Variants in PITPNM2 observed in about 807,000 individuals in gnomAD.
PITPNM2 encodes the protein phosphatidylinositol transfer protein membrane associated 2, also known as membrane-associated phosphatidylinositol transfer protein 2.
PITPNM2 carries 35 observed loss-of-function variants against 132.2 expected under a neutral mutation model. The observed-to-expected ratio is 0.26, with a 90% CI of 0.20 to 0.35. The LOEUF is 0.35. Ranked by LOEUF, PITPNM2 falls within the 10% of genes least tolerant of loss-of-function variation. The probability of loss-of-function intolerance (pLI) is 1.00; values close to 1 mark genes in which losing one functional copy is unlikely to be tolerated. For missense variants in PITPNM2, 1,332 were observed against 1,912.0 expected (o/e 0.70, Z 5.66); for synonymous variants, 738 against 799.2 (o/e 0.92, Z 1.29).
chr12:123,121,835 A>G (rs1473936446), intron 1 of PITPNM2, among the ~76,000 whole-genome samples: 1 of 151,856 alleles, frequency 6.6e-6, no homozygotes, highest in African/African-American at 2.4e-5. Flanking sequence ...TTGGACTACC[A>G]TGCCCAGCCC....
chr12:122,997,634 C>A, intron 10 of PITPNM2, 62 bp from the exon 11 acceptor site: 1 of 1,571,340 alleles, frequency 6.4e-7, no homozygotes, highest in Non-Finnish European at 8.7e-7. Flanking sequence ...TGAGGCCCCT[C>A]TGTCACCCTT....
At chr12:123,017,953 ATT>A (rs1351346587) in intron 3 of PITPNM2, among the ~76,000 whole-genome samples, 1 of 122,680 alleles carries the variant, frequency 8.2e-6, no homozygotes, top group Admixed American at 8.4e-5. Flanking sequence ...CCTTTCCTTC[ATT>A]TTCTTTTCTT....
chr12:123,107,695 G>A (rs907181922), intron 2 of PITPNM2, among the ~76,000 whole-genome samples: 5 of 152,224 alleles, frequency 3.3e-5, no homozygotes, highest in Non-Finnish European at 7.3e-5. Context: ...CAAGCAGGGT[G>A]CAGAGGCATG....
intron 2 of PITPNM2, among the ~76,000 whole-genome samples, chr12:123,069,599 C>T (rs1417576092): frequency 2.0e-5 from 3 of 152,128 alleles, no homozygotes; most frequent in Non-Finnish European, 4.4e-5. Context: ...CTTCCAGGCC[C>T]CCTGGAAGCC....
At chr12:123,103,896 T>TTTTA (rs113942958) in intron 2 of PITPNM2, among the ~76,000 whole-genome samples, 5,600 of 149,888 alleles carry the variant, frequency 0.037, 316 homozygotes, top group African/African-American at 0.12. Flanking sequence ...TATTTTGTTA[T>TTTTA]TTTATTTATT....
At chr12:123,028,514 G>GA (rs1298040341) in intron 3 of PITPNM2, among the ~76,000 whole-genome samples, 1 of 152,222 alleles carries the variant, frequency 6.6e-6, no homozygotes, top group Non-Finnish European at 1.5e-5. Flanking sequence ...AGCCTGTGCT[G>GA]AAACGTATGT....
intron 2 of PITPNM2, among the ~76,000 whole-genome samples, chr12:123,068,194 A>ACGGCCGGGCGCGGCCGGGCG: frequency 6.6e-6 from 1 of 151,750 alleles, no homozygotes; most frequent in East Asian, 1.9e-4. Context: ...ACGGCCGGGC[A>ACGGCCGGGCGCGGCCGGGCG]CGGTGGCTCA....
At chr12:123,044,003 G>T (rs750298060) in intron 2 of PITPNM2, among the ~76,000 whole-genome samples, 6 of 152,186 alleles carry the variant, frequency 3.9e-5, no homozygotes, top group Non-Finnish European at 8.8e-5. Flanking sequence ...GACCCTGCTG[G>T]TCACAGAGCT....
Position 122,992,702 on chromosome 12 carries a change from G to T in PITPNM2, c.2234-33C>A, listed in dbSNP as rs1212930884. ...TGGGGGTGTTGGCTGCAGAGCTGGG[G>T]CTGGCCCTGAGGAGCAGTGGTGGGG... is the stretch of plus-strand genomic sequence containing the variant. On this transcript the variant is annotated intron_variant, in intron 15 of 25. Coordinates refer to ENST00000320201, the MANE Select transcript of PITPNM2 (RefSeq NM_020845.3). The surrounding 1 kb of genome is among the most constrained non-coding windows in gnomAD (Gnocchi z 6.5). 1.4e-5 allele frequency: 22 copies of T among 1,521,242 alleles called. No individual in the cohort carries two copies. Among genetic ancestry groups the T allele is most frequent in the Non-Finnish European group, 1.9e-5 (21 of 1,132,468 alleles). The allele number at this position is 1,521,242 out of a possible 1,614,324, so 94.2% of individuals were successfully genotyped here.
intron 1 of PITPNM2, among the ~76,000 whole-genome samples, chr12:123,130,287 A>C (rs1470011328): frequency 6.6e-6 from 1 of 152,096 alleles, no homozygotes; most frequent in African/African-American, 2.4e-5. Context: ...TGTGGGACGG[A>C]AGGGCACACT....
chr12:122,991,014 C>T (rs533935585), intron 16 of PITPNM2, among the ~76,000 whole-genome samples: 42 of 152,344 alleles, frequency 2.8e-4, no homozygotes, highest in African/African-American at 7.2e-4. Flanking sequence ...TCCAGCACCC[C>T]AGTGGCTCCA....
chr12:123,138,274 C>A (rs2043425961), intron 1 of PITPNM2, among the ~76,000 whole-genome samples: 1 of 151,868 alleles, frequency 6.6e-6, no homozygotes, highest in Admixed American at 6.6e-5. Context: ...TGGCAAAACC[C>A]CATCTCTGCA....
chr12:123,037,451 G>GCT (rs1329464797), intron 2 of PITPNM2, among the ~76,000 whole-genome samples: 4 of 152,230 alleles, frequency 2.6e-5, no homozygotes, highest in Non-Finnish European at 5.9e-5. Flanking sequence ...CAGTACACCT[G>GCT]TGTGACGTGC....
At position 123,000,178 on chromosome 12, in the gene PITPNM2, G is replaced by A; in HGVS notation, c.1224+600C>T. 3.5e-6 allele frequency: 2 copies of A among 571,864 alleles called. No individual in the cohort carries two copies. The highest frequency in any genetic ancestry group is 4.5e-5 in the South Asian group (2 of 44,060). 35.4% of individuals were successfully genotyped at this position (571,864 alleles called of 1,614,324 possible). A position where few individuals can be genotyped will look rare whatever the true frequency, so the allele number is the denominator to read the frequency against. Reference sequence around the variant, plus strand: ...AGGCCAGAGCAGTGCGGTGACCGCAGGTGATGGTGGGACAGCCCAGCTCAG... The same window carrying A: ...AGGCCAGAGCAGTGCGGTGACCGCAAGTGATGGTGGGACAGCCCAGCTCAG... On this transcript the variant is annotated intron_variant, in intron 10 of 25. Coordinates refer to ENST00000320201, the MANE Select transcript of PITPNM2 (RefSeq NM_020845.3). This position sits in a 1 kb window ranked among gnomAD's most constrained non-coding sequence, Gnocchi z 5.4.
chr12:123,127,416 C>T (rs1199587955), intron 1 of PITPNM2, among the ~76,000 whole-genome samples: 1 of 152,160 alleles, frequency 6.6e-6, no homozygotes, highest in East Asian at 1.9e-4. Flanking sequence ...CCATCAAATT[C>T]AACAATGGTT....
chr12:123,004,000 T>A (rs2038807271), intron 8 of PITPNM2, among the ~76,000 whole-genome samples: 1 of 152,202 alleles, frequency 6.6e-6, no homozygotes, highest in African/African-American at 2.4e-5. Flanking sequence ...ATTAATTTAA[T>A]CAAGAAGAAA....
chr12:123,100,281 C>A (rs2042529265), intron 2 of PITPNM2, among the ~76,000 whole-genome samples: 1 of 152,190 alleles, frequency 6.6e-6, no homozygotes, highest in South Asian at 2.1e-4. Context: ...TATGACCCAG[C>A]AATTCCACTT....
chr12:123,144,958 T>C (rs2043582089), intron 1 of PITPNM2, among the ~76,000 whole-genome samples: 1 of 152,214 alleles, frequency 6.6e-6, no homozygotes, highest in Admixed American at 6.5e-5. Context: ...AACCCTGTGT[T>C]TTCCCTAGGA....
At position 123,058,799 on chromosome 12, in the gene PITPNM2, C is replaced by T. The variant is rs918434139; in HGVS notation, c.-95-24114G>A. The stretch of plus-strand genomic sequence containing the variant: ...CTTTTGTGGAAAAAGCCCTTTCCCA[C>T]GGGGTCCACCTGGAAAATTCTCGAA... On this transcript the variant is annotated intron_variant, in intron 2 of 25. Transcript: ENST00000320201. The surrounding 1 kb of genome is among the most constrained non-coding windows in gnomAD (Gnocchi z 4.0). Among the ~76,000 whole-genome samples the T allele has an allele frequency of 5.3e-5, 8 of 152,188 alleles. No homozygotes were observed. The highest frequency in any genetic ancestry group is 2.1e-4 in the South Asian group (1 of 4,830).
Sources: gnomAD v4.1 joint callset for allele counts (sites outside exome capture counted in the v4.1 genomes callset) on GRCh38, gnomAD v4.1.1 for gene constraint, Gnocchi (gnomAD v3.1) non-coding constraint, MANE v1.5 for transcripts, NCBI Gene and HGNC (gene_info 2026-07-23, HGNC 2026-07-21) for gene names.